The following MINDY2 variants were observed in gnomAD, a reference collection of about 807,000 sequenced individuals.
The protein encoded by MINDY2 is MINDY lysine 48 deubiquitinase 2, also known as ubiquitin carboxyl-terminal hydrolase MINDY-2.
MINDY2 carries 52 observed loss-of-function variants against 68.2 expected under a neutral mutation model. That is an observed-to-expected ratio of 0.76 (90% CI 0.61 to 0.96). The LOEUF is 0.96. Among genes scored for constraint, MINDY2 ranks in the 40% least tolerant of loss-of-function variants. The pLI is 0.00. For missense variants in MINDY2, 881 were observed against 773.4 expected (o/e 1.14, Z -1.65); for synonymous variants, 372 against 303.0 (o/e 1.23, Z -2.36).
intron 4 of MINDY2, among the ~76,000 whole-genome samples, chr15:58,820,255 A>G (rs2030975358): frequency 1.3e-5 from 2 of 151,492 alleles, no homozygotes; most frequent in African/African-American, 4.9e-5. Context: ...ACAGAGTGAG[A>G]TTCCATCTCA....
chr15:58,797,966 G>T (rs533561889), intron 2 of MINDY2, among the ~76,000 whole-genome samples: 3 of 152,154 alleles, frequency 2.0e-5, no homozygotes, highest in Admixed American at 2.0e-4. Flanking sequence ...GTTCAGAGGG[G>T]TTAATGTGCT....
chr15:58,800,950 A>G (rs1412095907), intron 2 of MINDY2, among the ~76,000 whole-genome samples: 2 of 152,058 alleles, frequency 1.3e-5, no homozygotes, highest in African/African-American at 4.8e-5. Context: ...CAGATTAACC[A>G]GTTGACAAGA....
At chr15:58,782,434 TA>T (rs1240003843) in intron 1 of MINDY2, among the ~76,000 whole-genome samples, 1 of 152,222 alleles carries the variant, frequency 6.6e-6, no homozygotes, top group African/African-American at 2.4e-5. Flanking sequence ...AATGTCAAAC[TA>T]AAAATGTCAC....
intron 1 of MINDY2, among the ~76,000 whole-genome samples, chr15:58,784,310 T>G (rs1421358583): frequency 6.6e-6 from 1 of 152,012 alleles, no homozygotes; most frequent in Non-Finnish European, 1.5e-5. Flanking sequence ...TGGAGGACAG[T>G]GAGAACATGA....
In MINDY2 at chr15:58,771,826, C is replaced by T. The variant is rs749672851; in HGVS notation, c.431C>T (p.Thr144Ile). 1 of 1,608,820 alleles carries T rather than the reference C, an allele frequency of 6.2e-7. No homozygotes were observed. The highest frequency in any genetic ancestry group is 1.7e-5 in the Admixed American group (1 of 59,558). Residue 144 changes from threonine to isoleucine, a missense_variant, in exon 1 of 9, where the codon ACC becomes ATC. By Grantham distance (89) the Thr-to-Ile change is moderately conservative. Transcript: ENST00000559228. ...GCCGGCACCTGCCAAGCAGAACTGA[C>T]CGCCGCCGGCTCCGAAGAGCCCAGC... Reference protein sequence around the residue: ...DLAGTCQAELTAAGSEEPSSA... With the variant: ...DLAGTCQAELIAAGSEEPSSA...
intron 2 of MINDY2, among the ~76,000 whole-genome samples, chr15:58,791,325 G>A (rs928734211): frequency 1.4e-5 from 2 of 147,632 alleles, no homozygotes; most frequent in East Asian, 1.9e-4. Flanking sequence ...GAAATGTTCT[G>A]TATCTGTGCT....
intron 2 of MINDY2, among the ~76,000 whole-genome samples, chr15:58,794,116 G>T (rs1358444217): frequency 6.6e-6 from 1 of 151,908 alleles, no homozygotes. Flanking sequence ...GTTGTGCGGT[G>T]GGGGAGGAGG....
chr15:58,848,569 C>T (rs2032652308), intron 7 of MINDY2, among the ~76,000 whole-genome samples: 1 of 151,922 alleles, frequency 6.6e-6, no homozygotes, highest in South Asian at 2.1e-4. Flanking sequence ...CGGTGAAACC[C>T]CGTCTCTACT....
intron 2 of MINDY2, among the ~76,000 whole-genome samples, chr15:58,798,291 ATTTTTTTTTT>A (rs754213911): frequency 1.5e-5 from 2 of 131,158 alleles, no homozygotes; most frequent in African/African-American, 2.8e-5. Context: ...TAATTTTTGT[ATTTTTTTTTT>A]TTTTTAGTAG....
intron 1 of MINDY2, among the ~76,000 whole-genome samples, chr15:58,786,886 A>G (rs1426311538): frequency 6.6e-6 from 1 of 152,006 alleles, no homozygotes; most frequent in South Asian, 2.1e-4. Context: ...CTGGAGTGCA[A>G]TGGTGCATTC....
intron 2 of MINDY2, among the ~76,000 whole-genome samples, chr15:58,794,367 G>T (rs1024012757): frequency 3.4e-5 from 5 of 145,960 alleles, no homozygotes; most frequent in African/African-American, 1.4e-4. Flanking sequence ...GGGTGTGTGT[G>T]TGTGTGTGTG....
At position 58,811,940 on chromosome 15, in the gene MINDY2, T is replaced by TA. The variant is rs777370355; in HGVS notation, c.1122+1553dup. 3.9e-5 allele frequency among the ~76,000 whole-genome samples: 6 copies of TA among 152,352 alleles called. No homozygotes were observed. In the East Asian group the frequency reaches 9.6e-4, roughly 24 times the overall value. ...TGTTTTAATATTATTTTCACTTACT[T>TA]ACATTTTTTAACATAAAGTAAGATT... On this transcript the variant is annotated intron_variant, in intron 4 of 8. Coordinates refer to ENST00000559228, the MANE Select transcript of MINDY2 (RefSeq NM_001040450.3).
At position 58,810,356 on chromosome 15, in the gene MINDY2, C is replaced by T; in HGVS notation, c.1090C>T (p.Pro364Ser). The change falls in exon 4 of 9, where the codon CCT becomes TCT. Residue 364 changes from proline to serine, a missense_variant. Transcript: ENST00000559228. The part of the protein sequence containing the change: ...ECIVFDLLDI[P>S]LYHGWLVDPQ... ...CATAGTATTTGATCTTCTTGATATT[C>T]CTTTGTACCATGGGTGGTTAGTAGA... 1 of 1,609,054 alleles carries T rather than the reference C, an allele frequency of 6.2e-7. No individual in the cohort carries two copies. The highest frequency in any genetic ancestry group is 8.5e-7 in the Non-Finnish European group (1 of 1,178,218).
chr15:58,839,625 C>T (rs2032181008), intron 6 of MINDY2, among the ~76,000 whole-genome samples: 1 of 152,038 alleles, frequency 6.6e-6, no homozygotes, highest in Non-Finnish European at 1.5e-5. Flanking sequence ...AGCCATTGCA[C>T]CCAGCCTAGG....
At chr15:58,819,369 G>A (rs2030910853) in intron 4 of MINDY2, among the ~76,000 whole-genome samples, 1 of 152,132 alleles carries the variant, frequency 6.6e-6, no homozygotes, top group Non-Finnish European at 1.5e-5. Flanking sequence ...GATTGCTTGA[G>A]CCTGGGAGGT....
chr15:58,820,259 C>T (rs1481613233), intron 4 of MINDY2, among the ~76,000 whole-genome samples: 1 of 151,674 alleles, frequency 6.6e-6, no homozygotes, highest in Non-Finnish European at 1.5e-5. Context: ...AGTGAGATTC[C>T]ATCTCAAAAC....
chr15:58,821,800 T>C lies in MINDY2; in HGVS notation c.1206T>C (p.Asn402=). 1 of 1,590,050 alleles carries C rather than the reference T, an allele frequency of 6.3e-7. No individual in the cohort carries two copies. The highest frequency in any genetic ancestry group is 8.5e-7 in the Non-Finnish European group (1 of 1,171,332). Residue 402 remains asparagine, a synonymous_variant, in exon 5 of 9, where the codon AAT becomes AAC. Transcript: ENST00000559228. ...TCATCTCTTGTAAACAGTCAGACAA[T>C]AGTGAGCTGGTTAGTGAAGGTGGGT... ...EKIISCKQSD[N]SELVSEGFVA... is the part of the protein sequence containing the mutation.
rs887859026 is a variant in MINDY2, at chr15:58,860,676, A to T, written c.*6066A>T. The T allele has an allele frequency of 1.3e-5, 2 of 152,180 alleles. No individual in the cohort carries two copies. Among genetic ancestry groups the T allele is most frequent in the Non-Finnish European group, 2.9e-5 (2 of 68,012 alleles). 9.4% of individuals were successfully genotyped at this position (152,180 alleles called of 1,614,324 possible). ...GGCCTTGTAACTGAAATACCTTACAAAGCAGTTCTAACTAATGCAATGTGT... is the reference window on the plus strand; with the variant it reads ...GGCCTTGTAACTGAAATACCTTACATAGCAGTTCTAACTAATGCAATGTGT... On this transcript the variant is annotated 3_prime_UTR_variant, in exon 9 of 9. Coordinates refer to ENST00000559228, the MANE Select transcript of MINDY2 (RefSeq NM_001040450.3).
chr15:58,851,862 TA>T lies in MINDY2; in HGVS notation c.1635del (p.Ala546GlnfsTer111). On this transcript the variant is annotated frameshift_variant, in exon 8 of 9. Transcript: ENST00000559228. LOFTEE classifies it high-confidence loss of function. ...QIPEGISDLE[L>X]AKKLQEEEDR... is the part of the protein sequence containing the mutation. ...CCGGAAGGAATCAGTGATTTGGAAC[TA>T]GCAAAGAAACTCCAAGAGGAAGAGG... 1 of 1,613,452 alleles carries T rather than the reference TA, an allele frequency of 6.2e-7. No individual in the cohort carries two copies. The highest frequency in any genetic ancestry group is 8.5e-7 in the Non-Finnish European group (1 of 1,179,774).
Sources: allele counts gnomAD v4.1 joint callset (sites outside exome capture counted in the v4.1 genomes callset), GRCh38; gene constraint gnomAD v4.1.1; transcripts MANE v1.5; gene names NCBI Gene and HGNC (gene_info 2026-07-23, HGNC 2026-07-21).